CDIN1: variants seen among roughly 807,000 people sequenced by gnomAD.
The protein encoded by CDIN1 is CDAN1 interacting nuclease 1.
A neutral mutation model predicts 45.3 loss-of-function variants in CDIN1; 33 were observed. The observed-to-expected ratio is 0.73, with a 90% CI of 0.55 to 0.97. CDIN1 has a LOEUF of 0.97. Among genes scored for constraint, CDIN1 ranks in the 50% least tolerant of loss-of-function variants. The pLI is 0.00. For missense variants in CDIN1, 303 were observed against 339.4 expected (o/e 0.89, Z 0.84); for synonymous variants, 118 against 124.4 (o/e 0.95, Z 0.34).
chr15:36,763,603 A>AC (rs1170668289), intron 10 of CDIN1, among the ~76,000 whole-genome samples: 8 of 151,966 alleles, frequency 5.3e-5, no homozygotes, highest in Non-Finnish European at 1.0e-4. Flanking sequence ...AGAGGACTGT[A>AC]CCCCGCCATG....
chr15:36,585,723 C>G (rs2037264912), intron 1 of CDIN1, among the ~76,000 whole-genome samples: 1 of 151,978 alleles, frequency 6.6e-6, no homozygotes, highest in African/African-American at 2.4e-5. Flanking sequence ...AATTCTGAAG[C>G]TCTTTAATAG....
At chr15:36,618,617 A>G in intron 1 of CDIN1, 2 of 822,214 alleles carry the variant, frequency 2.4e-6, no homozygotes, top group Non-Finnish European at 4.4e-6. Flanking sequence ...AAAGGTGTCT[A>G]CAAAGAAAAG....
intron 10 of CDIN1, among the ~76,000 whole-genome samples, chr15:36,773,265 T>C (rs2054126491): frequency 6.6e-6 from 1 of 152,130 alleles, no homozygotes; most frequent in Non-Finnish European, 1.5e-5. Flanking sequence ...CCATGGTGGA[T>C]GGGGCAGTAC....
Position 36,705,915 on chromosome 15 carries a change from T to C in CDIN1, c.545-3308T>C, listed in dbSNP as rs375653115. 4 of 152,294 alleles carry C rather than the reference T, an allele frequency of 2.6e-5. No homozygotes were observed. In the East Asian group the frequency reaches 7.7e-4, roughly 29 times the overall value. 9.4% of individuals were successfully genotyped at this position (152,294 alleles called of 1,614,324 possible). A position where few individuals can be genotyped will look rare whatever the true frequency, so the allele number is the denominator to read the frequency against. On this transcript the variant is annotated intron_variant, in intron 8 of 10. Transcript: ENST00000566621. ...ATACTAAAAGTACTATTTCAGATTA[T>C]TGCCATTACCTTTTTTTCATTCTAA...
At chr15:36,779,595 T>C (rs1014038115) in intron 10 of CDIN1, among the ~76,000 whole-genome samples, 2 of 152,210 alleles carry the variant, frequency 1.3e-5, no homozygotes, top group African/African-American at 4.8e-5. Context: ...CCTCAGCCAA[T>C]TCCTATGCAA....
chr15:36,716,236 T>C (rs1337310008), intron 10 of CDIN1, among the ~76,000 whole-genome samples: 1 of 152,068 alleles, frequency 6.6e-6, no homozygotes, highest in Non-Finnish European at 1.5e-5. Context: ...CAGACAATTG[T>C]TGAGAGAATG....
chr15:36,584,441 AC>A (rs2037195676), intron 1 of CDIN1, among the ~76,000 whole-genome samples: 1 of 152,204 alleles, frequency 6.6e-6, no homozygotes, highest in South Asian at 2.1e-4. Flanking sequence ...GTCTCTAAAA[AC>A]AAAAAACAAA....
intron 1 of CDIN1, among the ~76,000 whole-genome samples, chr15:36,607,838 C>T (rs988494457): frequency 2.6e-5 from 4 of 152,098 alleles, no homozygotes; most frequent in African/African-American, 7.2e-5. Flanking sequence ...AAAAAGAAAC[C>T]CAGTACCCAT....
intron 10 of CDIN1, among the ~76,000 whole-genome samples, chr15:36,720,782 G>A (rs1385033456): frequency 6.6e-6 from 1 of 152,026 alleles, no homozygotes; most frequent in African/African-American, 2.4e-5. Context: ...TAACCCTTTG[G>A]GTATATACCC....
intron 1 of CDIN1, among the ~76,000 whole-genome samples, chr15:36,602,905 G>A (rs372206082): frequency 1.1e-3 from 167 of 152,158 alleles, no homozygotes; most frequent in African/African-American, 3.6e-3. Flanking sequence ...GGAGAACGGC[G>A]TGAATGCGGG....
intron 10 of CDIN1, among the ~76,000 whole-genome samples, chr15:36,804,182 T>C (rs973331811): frequency 2.6e-5 from 4 of 152,214 alleles, no homozygotes; most frequent in East Asian, 3.9e-4. Context: ...AAAGTGCTTC[T>C]ATATATATTA....
At chr15:36,750,081 GTTGGT>G (rs2053418061) in intron 10 of CDIN1, among the ~76,000 whole-genome samples, 1 of 152,128 alleles carries the variant, frequency 6.6e-6, no homozygotes, top group Non-Finnish European at 1.5e-5. Context: ...AGAATTATGT[GTTGGT>G]TCGCGGTGGT....
chr15:36,591,814 G>T (rs1375388009), intron 1 of CDIN1: 1 of 152,148 alleles, frequency 6.6e-6, no homozygotes, highest in East Asian at 1.9e-4. Flanking sequence ...CCAGTGATTT[G>T]ACCAAAGTTC....
intron 10 of CDIN1, among the ~76,000 whole-genome samples, chr15:36,806,389 G>GT (rs141376390): frequency 0.1 from 15,910 of 152,138 alleles, 1,047 homozygotes; most frequent in African/African-American, 0.18. Flanking sequence ...ATGTGTTTTT[G>GT]TTTATTAAAT....
chr15:36,623,203 A>G (rs1054987094), intron 1 of CDIN1, among the ~76,000 whole-genome samples: 4 of 152,100 alleles, frequency 2.6e-5, no homozygotes, highest in Non-Finnish European at 5.9e-5. Context: ...AGGGAAATGT[A>G]TGTTTTTCCC....
intron 10 of CDIN1, among the ~76,000 whole-genome samples, chr15:36,757,213 G>A (rs541495517): frequency 9.9e-5 from 15 of 152,218 alleles, no homozygotes; most frequent in African/African-American, 2.2e-4. Context: ...TCTGTTTTAC[G>A]TCGTGGGAAT....
chr15:36,808,238 A>T, intron 10 of CDIN1, 86 bp from the exon 11 acceptor site: 1 of 1,552,104 alleles, frequency 6.4e-7, no homozygotes, highest in Admixed American at 1.9e-5. Context: ...CCTGTCATTT[A>T]ATCATCTTAT....
At chr15:36,667,717 A>G (rs1030947011) in intron 5 of CDIN1, among the ~76,000 whole-genome samples, 6 of 152,064 alleles carry the variant, frequency 3.9e-5, no homozygotes, top group Non-Finnish European at 5.9e-5. Context: ...GATGATACGA[A>G]GTTTTTCTTT....
At chr15:36,761,253 C>T (rs2053754845) in intron 10 of CDIN1, among the ~76,000 whole-genome samples, 1 of 152,128 alleles carries the variant, frequency 6.6e-6, no homozygotes, top group South Asian at 2.1e-4. Flanking sequence ...GTCTCCTGCC[C>T]ACTTTCCTGT....
Sources: gnomAD v4.1 joint callset for allele counts (sites outside exome capture counted in the v4.1 genomes callset) on GRCh38, gnomAD v4.1.1 for gene constraint, MANE v1.5 for transcripts, NCBI Gene and HGNC (gene_info 2026-07-23, HGNC 2026-07-21) for gene names.